KCNQ5: variants seen among roughly 807,000 people sequenced by gnomAD.
The protein encoded by KCNQ5 is potassium voltage-gated channel subfamily KQT member 5.
A neutral mutation model predicts 98.2 loss-of-function variants in KCNQ5; 30 were observed. The observed-to-expected ratio is 0.31, with a 90% CI of 0.23 to 0.41. KCNQ5 has a LOEUF of 0.41. KCNQ5 is among the 10% of genes least tolerant of loss of function. KCNQ5 has a pLI of 1.00. For missense variants in KCNQ5, 835 were observed against 1,182.5 expected, an observed-to-expected ratio of 0.71 and a Z score of 4.31; for synonymous variants, 458 against 449.4, an observed-to-expected ratio of 1.02 and a Z score of -0.24.
At chr6:72,861,500 A>C (rs2840796) in intron 1 of KCNQ5, among the ~76,000 whole-genome samples, 102,405 of 151,988 alleles carry the variant, frequency 0.67, 35,818 homozygotes, top group South Asian at 0.82. Context: ...GTCCCTAAGT[A>C]AAGGTCTCCA....
At chr6:72,867,031 T>C (rs958156973) in intron 1 of KCNQ5, among the ~76,000 whole-genome samples, 4 of 152,212 alleles carry the variant, frequency 2.6e-5, no homozygotes, top group Non-Finnish European at 4.4e-5. Flanking sequence ...TATAGGCATA[T>C]ATTGGATATT....
intron 1 of KCNQ5, among the ~76,000 whole-genome samples, chr6:72,959,894 C>G (rs1388828813): frequency 2.0e-5 from 3 of 152,218 alleles, no homozygotes; most frequent in East Asian, 1.9e-4. Context: ...AATTTCTTAA[C>G]TAAGCTTTCA....
At position 72,832,555 on chromosome 6, in the gene KCNQ5, G is replaced by A. The variant is rs191597040; in HGVS notation, c.399-171353G>A. On this transcript the variant is annotated intron_variant, in intron 1 of 13. Transcript: ENST00000370398. ...GTGCCAAGGTTAGAAACACTGCTCT[G>A]TGTTTGCCAAAAGAAAATCCCTTCA... Among the ~76,000 whole-genome samples, 14 of 152,216 alleles carry A rather than the reference G, an allele frequency of 9.2e-5. No individual in the cohort carries two copies. In the East Asian group the frequency reaches 1.7e-3, roughly 19 times the overall value.
chr6:72,677,723 C>T (rs1767482842), intron 1 of KCNQ5, among the ~76,000 whole-genome samples: 1 of 152,178 alleles, frequency 6.6e-6, no homozygotes, highest in Admixed American at 6.5e-5. Context: ...TTATTCTAGG[C>T]ATCCACCATG....
chr6:72,710,442 A>G (rs1769308741), intron 1 of KCNQ5, among the ~76,000 whole-genome samples: 1 of 152,226 alleles, frequency 6.6e-6, no homozygotes, highest in Non-Finnish European at 1.5e-5. Flanking sequence ...GCTGCCTACA[A>G]GAGACTAATT....
intron 1 of KCNQ5, among the ~76,000 whole-genome samples, chr6:72,804,128 T>C (rs1774822150): frequency 6.6e-6 from 1 of 152,158 alleles, no homozygotes; most frequent in South Asian, 2.1e-4. Flanking sequence ...ATACAAGGCA[T>C]GATAATCACA....
chr6:73,042,090 A>G, intron 3 of KCNQ5, 28 bp downstream of exon 3: 1 of 1,612,832 alleles, frequency 6.2e-7, no homozygotes, highest in Non-Finnish European at 8.5e-7. Flanking sequence ...AGATACCTGG[A>G]CTATGACACC....
chr6:72,655,086 T>G (rs927976272), intron 1 of KCNQ5, among the ~76,000 whole-genome samples: 3 of 144,248 alleles, frequency 2.1e-5, no homozygotes, highest in African/African-American at 7.8e-5. Flanking sequence ...CTTTCTTTCT[T>G]TCTTTCTTTC....
chr6:73,042,099 C>T (rs779184752), intron 3 of KCNQ5, 37 bp downstream of exon 3: 2 of 1,611,024 alleles, frequency 1.2e-6, no homozygotes, highest in Admixed American at 3.3e-5. Flanking sequence ...GACTATGACA[C>T]CAACATTCTT....
At chr6:73,057,167 T>A (rs960359875) in intron 3 of KCNQ5, among the ~76,000 whole-genome samples, 2 of 152,182 alleles carry the variant, frequency 1.3e-5, no homozygotes, top group Admixed American at 1.3e-4. Flanking sequence ...GATGAGTTCA[T>A]GTCCTTTGCA....
chr6:73,096,650 A>G (rs557425874), intron 5 of KCNQ5, among the ~76,000 whole-genome samples: 8 of 152,334 alleles, frequency 5.3e-5, no homozygotes, highest in African/African-American at 1.9e-4. Flanking sequence ...ATAGTTGTAT[A>G]TATTTCTGGG....
chr6:72,950,920 T>C (rs922582403), intron 1 of KCNQ5, among the ~76,000 whole-genome samples: 1 of 152,204 alleles, frequency 6.6e-6, no homozygotes, highest in Non-Finnish European at 1.5e-5. Flanking sequence ...AAATTTCTAT[T>C]AATAATTAGA....
intron 1 of KCNQ5, among the ~76,000 whole-genome samples, chr6:72,852,643 A>ATATATATATATATATATATATG (rs1195228093): frequency 8.3e-6 from 1 of 120,828 alleles, no homozygotes; most frequent in Non-Finnish European, 1.7e-5. Context: ...AAGGGGAAAT[A>ATATATATATATATATATATATG]TATATATATA....
intron 1 of KCNQ5, among the ~76,000 whole-genome samples, chr6:72,686,417 T>C (rs1297911948): frequency 6.6e-6 from 1 of 152,242 alleles, no homozygotes; most frequent in Non-Finnish European, 1.5e-5. Context: ...ACATTTCATA[T>C]GTTCATCATT....
At chr6:72,659,087 A>G (rs953921338) in intron 1 of KCNQ5, among the ~76,000 whole-genome samples, 1 of 152,218 alleles carries the variant, frequency 6.6e-6, no homozygotes, top group Non-Finnish European at 1.5e-5. Flanking sequence ...GTTTACCTAC[A>G]TTTAAGATTG....
chr6:72,778,736 T>A (rs1483715161), intron 1 of KCNQ5, among the ~76,000 whole-genome samples: 1 of 152,144 alleles, frequency 6.6e-6, no homozygotes, highest in Non-Finnish European at 1.5e-5. Context: ...TTTATATTTG[T>A]CAATTCAACC....
intron 1 of KCNQ5, among the ~76,000 whole-genome samples, chr6:72,771,487 G>A (rs1772876106): frequency 6.6e-6 from 1 of 152,012 alleles, no homozygotes; most frequent in Non-Finnish European, 1.5e-5. Context: ...AGCCATCCCA[G>A]CAGATATGAA....
intron 1 of KCNQ5, among the ~76,000 whole-genome samples, chr6:72,861,580 T>C (rs188830542): frequency 6.6e-6 from 1 of 152,316 alleles, no homozygotes; most frequent in East Asian, 1.9e-4. Context: ...CCTTAGTGTG[T>C]GTCTGGATAT....
At chr6:73,029,904 CAAAAAAAAAAAA>C (rs56804434) in intron 2 of KCNQ5, among the ~76,000 whole-genome samples, 2 of 78,656 alleles carry the variant, frequency 2.5e-5, no homozygotes, top group Non-Finnish European at 4.5e-5. Context: ...GACTCCGTCT[CAAAAAAAAAAAA>C]AAAAAAAAAA....
Sources: gnomAD v4.1 joint callset for allele counts (sites outside exome capture counted in the v4.1 genomes callset) on GRCh38, gnomAD v4.1.1 for gene constraint, MANE v1.5 for transcripts, NCBI Gene and HGNC (gene_info 2026-07-23, HGNC 2026-07-21) for gene names.